The following RUBCNL variants were observed in gnomAD, a reference collection of about 807,000 sequenced individuals.
RUBCNL encodes protein associated with UVRAG as autophagy enhancer.
RUBCNL carries 62 observed loss-of-function variants against 69.5 expected under a neutral mutation model. The observed-to-expected ratio is 0.89, with a 90% CI of 0.73 to 1.10. The LOEUF is 1.10. Among genes scored for constraint, RUBCNL ranks in the 50% least tolerant of loss-of-function variants. RUBCNL has a pLI of 0.00. For missense variants in RUBCNL, 768 were observed against 798.1 expected (o/e 0.96, Z 0.45); for synonymous variants, 291 against 303.6 (o/e 0.96, Z 0.43).
At chr13:46,385,666 C>CAAAAAAA (rs5803337) in intron 1 of RUBCNL, among the ~76,000 whole-genome samples, 2 of 119,184 alleles carry the variant, frequency 1.7e-5, no homozygotes, top group African/African-American at 2.9e-5. Flanking sequence ...AAAGATCATG[C>CAAAAAAA]AAAAAAAAAA....
At chr13:46,352,966 C>T (rs569487838) in intron 10 of RUBCNL, among the ~76,000 whole-genome samples, 2 of 152,102 alleles carry the variant, frequency 1.3e-5, no homozygotes, top group African/African-American at 2.4e-5. Flanking sequence ...CAGTTATTTC[C>T]CCTATTTCAC....
rs1395915636 is a variant in RUBCNL at position 46,349,361 on chromosome 13, C to G, written c.1570-14G>C. ...CTCCTGAATTTCCTAATGGGAGAAACCAAACACGGGGAAAAGTTAAATGTA... is the reference window on the plus strand; with the variant it reads ...CTCCTGAATTTCCTAATGGGAGAAAGCAAACACGGGGAAAAGTTAAATGTA... On this transcript the variant is annotated splice_polypyrimidine_tract_variant and intron_variant, in intron 11 of 14. Coordinates refer to ENST00000429979, the MANE Select transcript of RUBCNL (RefSeq NM_025113.5). 6.2e-7 allele frequency: 1 copy of G among 1,611,784 alleles called. No individual in the cohort carries two copies. Among genetic ancestry groups the G allele is most frequent in the Non-Finnish European group, 8.5e-7 (1 of 1,178,198 alleles).
chr13:46,377,396 TG>T (rs2049018410), intron 2 of RUBCNL, among the ~76,000 whole-genome samples: 1 of 152,194 alleles, frequency 6.6e-6, no homozygotes, highest in South Asian at 2.1e-4. Flanking sequence ...CCCTAGCAGC[TG>T]GGATTACAGG....
rs189922695 is a variant in RUBCNL, at chr13:46,382,426, A to G, written c.-238-4421T>C. 3.2e-4 allele frequency among the ~76,000 whole-genome samples: 48 copies of G among 150,478 alleles called. No individual in the cohort carries two copies. The South Asian group carries it at 6.7e-3, about 21-fold the overall frequency. ...TGAAATTGTCATGATAGAACTATCT[A>G]GAAAAGGAAAAGAAAAAAAAAAATC... is the stretch of plus-strand genomic sequence containing the variant. On this transcript the variant is annotated intron_variant, in intron 1 of 14. Coordinates refer to ENST00000429979, the MANE Select transcript of RUBCNL (RefSeq NM_025113.5).
At chr13:46,383,942 G>A (rs1045491193) in intron 1 of RUBCNL, among the ~76,000 whole-genome samples, 3 of 152,084 alleles carry the variant, frequency 2.0e-5, no homozygotes, top group African/African-American at 7.2e-5. Context: ...CAAGCACAGC[G>A]GTGAACAGAA....
intron 2 of RUBCNL, among the ~76,000 whole-genome samples, chr13:46,374,886 C>T (rs558068398): frequency 6.6e-6 from 1 of 152,256 alleles, no homozygotes; most frequent in Admixed American, 6.5e-5. Flanking sequence ...ATGCTCCTCC[C>T]CCAGATGATG....
chr13:46,350,981 G>A (rs1222866243), intron 10 of RUBCNL: 1 of 152,498 alleles, frequency 6.6e-6, no homozygotes, highest in Non-Finnish European at 1.5e-5. Context: ...TTAAAAGTGA[G>A]GCTGAGCACA....
At chr13:46,365,239 G>T (rs1176219733) in intron 5 of RUBCNL, among the ~76,000 whole-genome samples, 1 of 147,742 alleles carries the variant, frequency 6.8e-6, no homozygotes, top group Non-Finnish European at 1.5e-5. Flanking sequence ...GGAGGTAGAG[G>T]TTGCTGTGAG....
At chr13:46,382,609 T>C (rs2049142849) in intron 1 of RUBCNL, among the ~76,000 whole-genome samples, 2 of 152,214 alleles carry the variant, frequency 1.3e-5, no homozygotes, top group Admixed American at 1.3e-4. Context: ...CTCAGTTCAC[T>C]GCAACCTCTG....
Position 46,337,543 on chromosome 13 carries a change from G to A in RUBCNL, c.*5842C>T, listed in dbSNP as rs1480829052. Among the ~76,000 whole-genome samples the A allele has an allele frequency of 2.6e-5, 4 of 152,176 alleles. No individual in the cohort carries two copies. Among genetic ancestry groups the A allele is most frequent in the Non-Finnish European group, 5.9e-5 (4 of 68,030 alleles). On this transcript the variant is annotated 3_prime_UTR_variant, in exon 15 of 15. Transcript: ENST00000429979. ...TGGTCCCTCAATAGACATCAAATCT[G>A]CTGTTGTCTTGATCTTGGACTTCCT...
chr13:46,360,705 T>C lies in RUBCNL; in HGVS notation c.1119+736A>G, dbSNP rs375265477. ...ACTTCGAGGGCATTTTCCCTACCCC[T>C]GTTTTAGCCTTTGTCATAATGTTCT... On this transcript the variant is annotated intron_variant, in intron 8 of 14. Coordinates refer to ENST00000429979, the MANE Select transcript of RUBCNL (RefSeq NM_025113.5). 3.9e-5 allele frequency among the ~76,000 whole-genome samples: 6 copies of C among 152,210 alleles called. No individual in the cohort carries two copies. In the East Asian group the frequency reaches 1.2e-3, roughly 29 times the overall value.
chr13:46,388,515 AAAGGAAGG>A (rs371200082), upstream of RUBCNL, among the ~76,000 whole-genome samples: 17 of 147,940 alleles, frequency 1.1e-4, no homozygotes, highest in Non-Finnish European at 2.1e-4. Context: ...AGAAAAGTAG[AAAGGAAGG>A]AAGGAAGGAA....
chr13:46,387,094 C>T, intron 1 of RUBCNL, 40 bp downstream of exon 1: 1 of 985,830 alleles, frequency 1.0e-6, no homozygotes, highest in Non-Finnish European at 1.2e-6. Context: ...CTCTCCACCC[C>T]GCGCCGCTCC....
intron 3 of RUBCNL, among the ~76,000 whole-genome samples, chr13:46,369,024 T>G (rs904919126): frequency 6.6e-6 from 1 of 152,152 alleles, no homozygotes; most frequent in African/African-American, 2.4e-5. Context: ...GGAGAGGCTG[T>G]TGGAGTAACT....
upstream of RUBCNL, among the ~76,000 whole-genome samples, chr13:46,388,210 A>AC (rs2049290773): frequency 6.7e-6 from 1 of 149,270 alleles, no homozygotes; most frequent in Non-Finnish European, 1.5e-5. Context: ...AAAAAAAAAA[A>AC]AAAAAAAAAA....
intron 5 of RUBCNL, among the ~76,000 whole-genome samples, chr13:46,365,348 C>T (rs1056423684): frequency 3.4e-5 from 5 of 148,904 alleles, no homozygotes; most frequent in Non-Finnish European, 7.4e-5. Context: ...AGCTGAGATA[C>T]GAACAGACCT....
intron 2 of RUBCNL, among the ~76,000 whole-genome samples, chr13:46,375,042 G>A (rs2048958744): frequency 6.6e-6 from 1 of 152,072 alleles, no homozygotes. Flanking sequence ...CGTCACAGAG[G>A]TGCTCACTTC....
At chr13:46,386,092 T>A (rs2049237079) in intron 1 of RUBCNL, among the ~76,000 whole-genome samples, 1 of 152,184 alleles carries the variant, frequency 6.6e-6, no homozygotes. Flanking sequence ...CGGCCGGCAG[T>A]GTTTCAGTGG....
chr13:46,376,260 T>C (rs1196739326), intron 2 of RUBCNL, among the ~76,000 whole-genome samples: 2 of 152,130 alleles, frequency 1.3e-5, no homozygotes, highest in African/African-American at 4.8e-5. Context: ...GGGTCAACTC[T>C]ATGTGTGTGT....
Sources: gnomAD v4.1 joint callset for allele counts (sites outside exome capture counted in the v4.1 genomes callset) on GRCh38, gnomAD v4.1.1 for gene constraint, MANE v1.5 for transcripts, NCBI Gene and HGNC (gene_info 2026-07-23, HGNC 2026-07-21) for gene names.